ERI1: variants seen among roughly 807,000 people sequenced by gnomAD.
The protein encoded by ERI1 is 3'-5' exoribonuclease 1.
ERI1 carries 39 observed loss-of-function variants against 39.7 expected under a neutral mutation model. The ratio of observed to expected loss-of-function variants is 0.98; its 90% CI spans 0.76 to 1.28. The LOEUF (loss-of-function observed/expected upper bound fraction) is 1.28. Among genes scored for constraint, ERI1 ranks in the 50% most tolerant of loss-of-function variants. The pLI, the probability that ERI1 is intolerant of heterozygous loss-of-function variation, is 0.00. For synonymous variants in ERI1, 204 were observed against 149.6 expected, an observed-to-expected ratio of 1.36 and a Z score of -2.65; for missense variants, 581 against 416.9, an observed-to-expected ratio of 1.39 and a Z score of -3.43.
At chr8:9,019,441 T>G (rs1485783271) in intron 5 of ERI1, among the ~76,000 whole-genome samples, 1 of 152,240 alleles carries the variant, frequency 6.6e-6, no homozygotes, top group Non-Finnish European at 1.5e-5. Context: ...TGAGCAGTGC[T>G]CTGCTAAAGT....
rs1242655925 is a variant in ERI1 at position 9,030,226 on chromosome 8, G to T, written c.*192G>T. The T allele has an allele frequency of 1.5e-6, 1 of 685,998 alleles. No individual in the cohort carries two copies. Among genetic ancestry groups the T allele is most frequent in the Non-Finnish European group, 2.4e-6 (1 of 421,234 alleles). The allele number at this position is 685,998 out of a possible 1,614,324, so 42.5% of individuals were successfully genotyped here. A position where few individuals can be genotyped will look rare whatever the true frequency, so the allele number is the denominator to read the frequency against. The stretch of plus-strand genomic sequence containing the variant: ...AGGCATACTGAATTCTTTGTCACCA[G>T]CACTTTTGATATGAACAGTATTCGT... On this transcript the variant is annotated 3_prime_UTR_variant, in exon 7 of 7. Coordinates refer to ENST00000250263, the MANE Select transcript of ERI1 (RefSeq NM_153332.4).
intron 3 of ERI1, among the ~76,000 whole-genome samples, chr8:9,091,980 A>G (rs906784993): frequency 6.6e-6 from 1 of 152,172 alleles, no homozygotes; most frequent in Admixed American, 6.6e-5. Flanking sequence ...GTTTTGAGAC[A>G]GGGTCTCACT....
intron 6 of ERI1, among the ~76,000 whole-genome samples, chr8:9,022,553 C>T (rs1032078215): frequency 6.6e-6 from 1 of 152,088 alleles, no homozygotes; most frequent in Non-Finnish European, 1.5e-5. Context: ...GCGCCCACAA[C>T]CACAACTGGC....
At chr8:9,086,214 G>C (rs1799520500) in intron 3 of ERI1, among the ~76,000 whole-genome samples, 3 of 152,132 alleles carry the variant, frequency 2.0e-5, no homozygotes, top group Admixed American at 1.3e-4. Flanking sequence ...AGGAGTTCAG[G>C]ACCAGCCTGG....
chr8:9,009,398 G>C (rs1289947410), intron 2 of ERI1, among the ~76,000 whole-genome samples: 1 of 152,164 alleles, frequency 6.6e-6, no homozygotes, highest in Non-Finnish European at 1.5e-5. Context: ...ACAGAAAAGG[G>C]AGGGGGAGGG....
chr8:9,029,287 G>A (rs896985665), intron 6 of ERI1, among the ~76,000 whole-genome samples: 5 of 152,114 alleles, frequency 3.3e-5, no homozygotes, highest in Non-Finnish European at 7.4e-5. Context: ...GATCCTGTCT[G>A]TATTTTCAGC....
At chr8:9,069,695 C>G (rs1798988287) in intron 3 of ERI1, among the ~76,000 whole-genome samples, 1 of 152,078 alleles carries the variant, frequency 6.6e-6, no homozygotes, top group African/African-American at 2.4e-5. Context: ...ATGTAACAAA[C>G]CGGCACATGT....
intron 3 of ERI1, among the ~76,000 whole-genome samples, chr8:9,057,989 C>T (rs79519448): frequency 1.3e-3 from 191 of 152,194 alleles, no homozygotes; most frequent in Non-Finnish European, 1.7e-3. Flanking sequence ...TCTTGGGGGC[C>T]GTTGCAAGCA....
At chr8:9,018,917 T>G (rs932621953) in intron 5 of ERI1, among the ~76,000 whole-genome samples, 4 of 152,210 alleles carry the variant, frequency 2.6e-5, no homozygotes, top group African/African-American at 9.6e-5. Flanking sequence ...ACAACGCCAT[T>G]GATCTTTTTT....
intron 3 of ERI1, among the ~76,000 whole-genome samples, chr8:9,088,231 T>G (rs1242556986): frequency 4.6e-5 from 7 of 151,390 alleles, no homozygotes; most frequent in Non-Finnish European, 1.0e-4. Context: ...TTAACACCAG[T>G]GCATGCATTT....
At chr8:9,034,481 C>G (rs73662282), downstream of ERI1, among the ~76,000 whole-genome samples, 2,359 of 152,206 alleles carry the variant, frequency 0.015, 63 homozygotes, top group African/African-American at 0.053. Flanking sequence ...CCCTATATTT[C>G]AAACTTTTTG....
rs1554519270 is a variant in ERI1, at chr8:9,025,702, T to TGTGTG, written c.808-4090_808-4089insGTGTG. On this transcript the variant is annotated intron_variant, in intron 6 of 6. Coordinates refer to ENST00000250263, the MANE Select transcript of ERI1 (RefSeq NM_153332.4). ...GACTTTTCATTTTAATCTTTTTTTT[T>TGTGTG]TGTGTGTGTGTGTGTGTGTGTGTGG... Among the ~76,000 whole-genome samples the TGTGTG allele has an allele frequency of 4.7e-3, 695 of 147,854 alleles. 6 individuals are homozygous for TGTGTG. Among genetic ancestry groups the TGTGTG allele is most frequent in the South Asian group, 0.016 (73 of 4,624 alleles).
intron 3 of ERI1, chr8:9,088,618 G>A (rs956320766): frequency 1.3e-5 from 2 of 152,246 alleles, no homozygotes; most frequent in African/African-American, 4.8e-5. Flanking sequence ...TAAGTGGTGG[G>A]AGAGATGGCG....
At position 9,032,368 on chromosome 8, in the gene ERI1, A is replaced by T. The variant is rs1585242025; in HGVS notation, c.*2334A>T. The T allele has an allele frequency of 6.6e-6, 1 of 152,082 alleles. No homozygotes were observed. Among genetic ancestry groups the T allele is most frequent in the Non-Finnish European group, 1.5e-5 (1 of 68,018 alleles). 9.4% of individuals were successfully genotyped at this position (152,082 alleles called of 1,614,324 possible). A position where few individuals can be genotyped will look rare whatever the true frequency, so the allele number is the denominator to read the frequency against. On this transcript the variant is annotated 3_prime_UTR_variant, in exon 7 of 7. Transcript: ENST00000250263. Reference sequence around the variant, plus strand: ...ATATGCTCTGACATTGACATAGTGGATTTCTGCTGATTTTTTTCAAATCCG... The same window carrying T: ...ATATGCTCTGACATTGACATAGTGGTTTTCTGCTGATTTTTTTCAAATCCG...
At chr8:9,037,985 C>T (rs149408477), downstream of ERI1, among the ~76,000 whole-genome samples, 136 of 149,298 alleles carry the variant, frequency 9.1e-4, no homozygotes, top group African/African-American at 3.2e-3. Flanking sequence ...ATTTTTCAAA[C>T]TTTTTTGCAC....
At position 9,031,693 on chromosome 8, in the gene ERI1, A is replaced by C. The variant is rs1265195420; in HGVS notation, c.*1659A>C. On this transcript the variant is annotated 3_prime_UTR_variant, in exon 7 of 7. Coordinates refer to ENST00000250263, the MANE Select transcript of ERI1 (RefSeq NM_153332.4). ...TTGCCTGTTTTCACTTTCGCCAAGTACCAACAAGCTCATGTTGTATTTCTT... is the reference window on the plus strand; with the variant it reads ...TTGCCTGTTTTCACTTTCGCCAAGTCCCAACAAGCTCATGTTGTATTTCTT... 6.6e-6 allele frequency: 1 copy of C among 152,210 alleles called. No homozygotes were observed. Among genetic ancestry groups the C allele is most frequent in the Non-Finnish European group, 1.5e-5 (1 of 68,046 alleles). The allele number at this position is 152,210 out of a possible 1,614,324, so 9.4% of individuals were successfully genotyped here. A position where few individuals can be genotyped will look rare whatever the true frequency, so the allele number is the denominator to read the frequency against.
intron 3 of ERI1, among the ~76,000 whole-genome samples, chr8:9,015,217 A>G (rs538950116): frequency 6.6e-6 from 1 of 152,196 alleles, no homozygotes; most frequent in Non-Finnish European, 1.5e-5. Flanking sequence ...TTAATAGATT[A>G]GTAGGTAGAA....
chr8:9,045,211 G>C (rs544198296), intron 3 of ERI1, among the ~76,000 whole-genome samples: 1 of 139,502 alleles, frequency 7.2e-6, no homozygotes, highest in African/African-American at 2.7e-5. Flanking sequence ...ACTCCAGCCT[G>C]GACGACAGAG....
intron 6 of ERI1, among the ~76,000 whole-genome samples, chr8:9,027,756 C>G (rs547947826): frequency 2.0e-5 from 3 of 152,098 alleles, no homozygotes; most frequent in Non-Finnish European, 4.4e-5. Context: ...CCCATTGATT[C>G]AATGTATTTG....
Sources: allele counts gnomAD v4.1 joint callset (sites outside exome capture counted in the v4.1 genomes callset), GRCh38; gene constraint gnomAD v4.1.1; transcripts MANE v1.5; gene names NCBI Gene and HGNC (gene_info 2026-07-23, HGNC 2026-07-21).